MAML3: variants seen among roughly 807,000 people sequenced by gnomAD.
The protein encoded by MAML3 is mastermind-like protein 3.
Under a neutral mutation model 101.9 loss-of-function variants are expected in MAML3, and 27 were observed. That is an observed-to-expected ratio of 0.27 (90% CI 0.20 to 0.37). The LOEUF (loss-of-function observed/expected upper bound fraction) is 0.37. MAML3 is among the 10% of genes least tolerant of loss of function. MAML3 has a pLI of 1.00. For synonymous variants in MAML3, 501 were observed against 555.9 expected (o/e 0.90, Z 1.39); for missense variants, 1,316 against 1,444.9 (o/e 0.91, Z 1.45).
At chr4:139,789,059 G>T (rs1035801731) in intron 2 of MAML3, among the ~76,000 whole-genome samples, 4 of 152,172 alleles carry the variant, frequency 2.6e-5, no homozygotes, top group African/African-American at 9.7e-5. Flanking sequence ...TATAACCAAG[G>T]CCTTTTAATG....
At chr4:139,974,552 T>C (rs745447666) in intron 1 of MAML3, among the ~76,000 whole-genome samples, 10 of 152,142 alleles carry the variant, frequency 6.6e-5, no homozygotes, top group Non-Finnish European at 5.9e-5. Context: ...AAACAGCTAG[T>C]TGAGCGAATT....
intron 1 of MAML3, 22 bp downstream of exon 1, chr4:140,152,838 C>T (rs758172183): frequency 5.0e-6 from 8 of 1,599,370 alleles, no homozygotes; most frequent in East Asian, 2.2e-5. Context: ...GCGCCGCAAG[C>T]CCGCTGCCCG....
chr4:139,788,244 G>A (rs907480412), intron 2 of MAML3, among the ~76,000 whole-genome samples: 3 of 152,094 alleles, frequency 2.0e-5, no homozygotes, highest in African/African-American at 7.2e-5. Context: ...TTCTATCCTG[G>A]CTTCTTTTCC....
At chr4:139,737,850 G>C (rs192998831) in intron 2 of MAML3, among the ~76,000 whole-genome samples, 324 of 152,338 alleles carry the variant, frequency 2.1e-3, no homozygotes, top group Non-Finnish European at 3.5e-3. Flanking sequence ...AATATCCTCT[G>C]TCTCAGCAGA....
At chr4:140,148,793 G>A (rs867105032) in intron 1 of MAML3, among the ~76,000 whole-genome samples, 3 of 152,246 alleles carry the variant, frequency 2.0e-5, no homozygotes, top group East Asian at 3.9e-4. Flanking sequence ...TCCAATACTC[G>A]GTAATAACGC....
intron 1 of MAML3, among the ~76,000 whole-genome samples, chr4:140,070,519 A>T (rs1032835914): frequency 2.0e-5 from 3 of 152,224 alleles, no homozygotes; most frequent in Non-Finnish European, 4.4e-5. Context: ...CTGAAAGCAG[A>T]ACCCACAAAG....
At position 139,924,092 on chromosome 4, in the gene MAML3, G is replaced by A. The variant is rs188363416; in HGVS notation, c.469-33125C>T. Among the ~76,000 whole-genome samples the A allele has an allele frequency of 7.6e-4, 115 of 152,298 alleles. 1 individual carries two copies. The highest frequency in any genetic ancestry group is 1.2e-3 in the Non-Finnish European group (84 of 68,026). On this transcript the variant is annotated intron_variant, in intron 1 of 4. Coordinates refer to ENST00000509479, the MANE Select transcript of MAML3 (RefSeq NM_018717.5). ...GACATATCACCACAGAATAAAAAAA[G>A]TGATACCAACGCCAAACTTCTTCAA...
At chr4:139,791,811 G>A (rs1405039864) in intron 2 of MAML3, among the ~76,000 whole-genome samples, 2 of 152,170 alleles carry the variant, frequency 1.3e-5, no homozygotes, top group African/African-American at 4.8e-5. Flanking sequence ...ATTCTAGCCA[G>A]TTGTTCTGTA....
At position 140,097,248 on chromosome 4, in the gene MAML3, G is replaced by A. The variant is rs1476400667; in HGVS notation, c.468+55612C>T. Among the ~76,000 whole-genome samples the A allele has an allele frequency of 2.6e-5, 4 of 152,104 alleles. No individual in the cohort carries two copies. In the South Asian group the frequency reaches 8.3e-4, roughly 32 times the overall value. ...GCATAAGAGATGAGTCTATTTCAAG[G>A]CAGGTTCCACTTGGGAAATGATAAT... On this transcript the variant is annotated intron_variant, in intron 1 of 4. Transcript: ENST00000509479.
At chr4:140,128,626 A>G (rs1296628098) in intron 1 of MAML3, among the ~76,000 whole-genome samples, 1 of 152,182 alleles carries the variant, frequency 6.6e-6, no homozygotes, top group African/African-American at 2.4e-5. Context: ...GCACCCACAC[A>G]GGCTATCCCC....
At chr4:140,138,507 G>A (rs1184617471) in intron 1 of MAML3, among the ~76,000 whole-genome samples, 2 of 152,182 alleles carry the variant, frequency 1.3e-5, no homozygotes, top group Non-Finnish European at 2.9e-5. Context: ...GAATCTCCGG[G>A]CAGAGGGCTA....
Position 140,152,923 on chromosome 4 carries a change from C to T in MAML3, c.405G>A (p.Pro135=). 6.2e-7 allele frequency: 1 copy of T among 1,612,782 alleles called. No individual in the cohort carries two copies. Among genetic ancestry groups the T allele is most frequent in the Non-Finnish European group, 8.5e-7 (1 of 1,179,692 alleles). The stretch of plus-strand genomic sequence containing the variant: ...CCTCCGCATCTTGCTGGGGTTTGCT[C>T]GGGTGCTGCTGTTTGCCGGTGCCGG... ...SGAGTGKQQH[P]SKPQQDAEAA... Residue 135 remains proline (P), a synonymous_variant, in exon 1 of 5, where the codon CCG becomes CCA. Coordinates refer to ENST00000509479, the MANE Select transcript of MAML3 (RefSeq NM_018717.5).
chr4:140,045,625 T>TA (rs754563116), intron 1 of MAML3, among the ~76,000 whole-genome samples: 9 of 152,164 alleles, frequency 5.9e-5, no homozygotes, highest in Non-Finnish European at 1.2e-4. Context: ...CTTTTCACTA[T>TA]AAAAAATAAC....
intron 1 of MAML3, among the ~76,000 whole-genome samples, chr4:140,056,129 A>C (rs1727344798): frequency 6.6e-6 from 1 of 152,198 alleles, no homozygotes; most frequent in Non-Finnish European, 1.5e-5. Flanking sequence ...ACTGGAAAGC[A>C]CTGGGGCGCC....
intron 1 of MAML3, among the ~76,000 whole-genome samples, chr4:140,116,153 T>C (rs938709193): frequency 2.0e-5 from 3 of 152,198 alleles, no homozygotes; most frequent in African/African-American, 4.8e-5. Flanking sequence ...CATGCCTGCT[T>C]TATTTACTAT....
intron 1 of MAML3, among the ~76,000 whole-genome samples, chr4:140,085,880 T>C (rs1727943558): frequency 6.6e-6 from 1 of 152,226 alleles, no homozygotes; most frequent in South Asian, 2.1e-4. Context: ...AATTATTTTA[T>C]ATCTGTGGCC....
At chr4:139,791,392 G>A (rs553631188) in intron 2 of MAML3, among the ~76,000 whole-genome samples, 2 of 151,816 alleles carry the variant, frequency 1.3e-5, no homozygotes, top group African/African-American at 4.8e-5. Context: ...AGCTACTCTC[G>A]GGAGGCTGAA....
At chr4:140,033,396 T>C (rs1229133706) in intron 1 of MAML3, among the ~76,000 whole-genome samples, 2 of 149,158 alleles carry the variant, frequency 1.3e-5, no homozygotes, top group African/African-American at 2.5e-5. Context: ...GGCTCAGCCT[T>C]GAAAAAAAGA....
At chr4:139,996,739 G>T (rs933063617) in intron 1 of MAML3, among the ~76,000 whole-genome samples, 2 of 151,336 alleles carry the variant, frequency 1.3e-5, no homozygotes, top group African/African-American at 2.4e-5. Context: ...TCTGCCTTTT[G>T]ATTTGAGTGG....
Sources: allele counts gnomAD v4.1 joint callset (sites outside exome capture counted in the v4.1 genomes callset), GRCh38; gene constraint gnomAD v4.1.1; transcripts MANE v1.5; gene names NCBI Gene and HGNC (gene_info 2026-07-23, HGNC 2026-07-21).